Variants in SLC35F4 observed in about 807,000 individuals in gnomAD.
The protein encoded by SLC35F4 is chromosome 14 open reading frame 36.
In SLC35F4, 24 loss-of-function variants were observed where a neutral mutation model predicts 44.2. That is an observed-to-expected ratio of 0.54 (90% CI 0.39 to 0.76). SLC35F4 has a LOEUF of 0.76. SLC35F4 is among the 30% of genes least tolerant of loss of function. The probability of loss-of-function intolerance (pLI) is 0.00; values close to 1 mark genes in which losing one functional copy is unlikely to be tolerated. For synonymous variants in SLC35F4, 238 were observed against 223.6 expected (o/e 1.06, Z -0.57); for missense variants, 562 against 586.1 (o/e 0.96, Z 0.42).
intron 1 of SLC35F4, among the ~76,000 whole-genome samples, chr14:57,756,027 T>C (rs1385738080): frequency 6.6e-6 from 1 of 152,248 alleles, no homozygotes; most frequent in Non-Finnish European, 1.5e-5. Flanking sequence ...TCCACTTCCC[T>C]TCATGGTCAG....
chr14:57,886,449 T>C (rs1248034066), intron 1 of SLC35F4, among the ~76,000 whole-genome samples: 1 of 152,226 alleles, frequency 6.6e-6, no homozygotes, highest in Non-Finnish European at 1.5e-5. Context: ...GTCTCTCTCC[T>C]AAACTTCAGT....
At chr14:57,832,372 C>T (rs775470245) in intron 1 of SLC35F4, among the ~76,000 whole-genome samples, 114 of 152,036 alleles carry the variant, frequency 7.5e-4, no homozygotes, top group Non-Finnish European at 1.1e-3. Context: ...AGTAGCTTGT[C>T]CAAAGTCACA....
chr14:57,610,466 T>C (rs1850710408), intron 1 of SLC35F4, among the ~76,000 whole-genome samples: 2 of 152,156 alleles, frequency 1.3e-5, no homozygotes, highest in African/African-American at 2.4e-5. Context: ...GACTCAATAA[T>C]GGTGAAGCTG....
chr14:57,788,678 A>G (rs981820859), intron 1 of SLC35F4, among the ~76,000 whole-genome samples: 4 of 152,220 alleles, frequency 2.6e-5, no homozygotes, highest in Admixed American at 6.5e-5. Context: ...ACAGACATCT[A>G]CAGGACTCTC....
chr14:57,915,083 G>A (rs1889291861), intron 1 of SLC35F4, among the ~76,000 whole-genome samples: 1 of 151,142 alleles, frequency 6.6e-6, no homozygotes, highest in South Asian at 2.1e-4. Context: ...AAGGCTTACT[G>A]CTTGTACCTT....
intron 1 of SLC35F4, among the ~76,000 whole-genome samples, chr14:57,726,453 T>G (rs1286662703): frequency 1.3e-5 from 2 of 152,226 alleles, no homozygotes; most frequent in Non-Finnish European, 2.9e-5. Flanking sequence ...CCTCCTTCTT[T>G]TGTTAAAAAC....
intron 1 of SLC35F4, chr14:57,630,811 G>A: frequency 1.6e-6 from 1 of 609,156 alleles, no homozygotes; most frequent in Non-Finnish European, 2.3e-6. Context: ...AGTTTTCCCT[G>A]TACCAGGCAA....
At chr14:57,596,673 T>C (rs1392745594) in intron 1 of SLC35F4, 2 of 741,422 alleles carry the variant, frequency 2.7e-6, no homozygotes, top group Non-Finnish European at 2.2e-6. Context: ...AGATCAAATA[T>C]TGTCCATAGT....
chr14:57,887,874 C>T (rs1888683687), intron 1 of SLC35F4, among the ~76,000 whole-genome samples: 1 of 152,188 alleles, frequency 6.6e-6, no homozygotes, highest in South Asian at 2.1e-4. Context: ...GACAGCAACA[C>T]ACACACACAT....
chr14:57,910,758 T>C (rs1889201780), intron 1 of SLC35F4, among the ~76,000 whole-genome samples: 1 of 152,178 alleles, frequency 6.6e-6, no homozygotes, highest in South Asian at 2.1e-4. Flanking sequence ...TTTTATCAGA[T>C]AATCAGGCTC....
intron 1 of SLC35F4, among the ~76,000 whole-genome samples, chr14:57,845,690 C>A (rs1313605855): frequency 1.3e-5 from 2 of 152,164 alleles, no homozygotes; most frequent in Admixed American, 6.5e-5. Context: ...ATGTCAGAAG[C>A]TGTATGTGCT....
At chr14:57,663,466 T>C (rs2140243228) in intron 1 of SLC35F4, among the ~76,000 whole-genome samples, 2 of 152,270 alleles carry the variant, frequency 1.3e-5, no homozygotes, top group African/African-American at 4.8e-5. Context: ...CTCATAATTG[T>C]TTGGTATTGT....
intron 1 of SLC35F4, among the ~76,000 whole-genome samples, chr14:57,763,023 T>C (rs927619288): frequency 1.8e-4 from 27 of 152,196 alleles, no homozygotes; most frequent in African/African-American, 6.3e-4. Context: ...TATTTACTTA[T>C]AGAACATTAA....
At chr14:57,941,601 G>A (rs1400830668) in intron 1 of SLC35F4, among the ~76,000 whole-genome samples, 1 of 151,926 alleles carries the variant, frequency 6.6e-6, no homozygotes, top group Non-Finnish European at 1.5e-5. Context: ...AAAATATTTT[G>A]GAACAAAGTA....
chr14:57,864,284 G>A (rs1391651686), intron 1 of SLC35F4, among the ~76,000 whole-genome samples: 3 of 152,144 alleles, frequency 2.0e-5, no homozygotes, highest in Non-Finnish European at 4.4e-5. Flanking sequence ...CAATAAAAAA[G>A]GAGAAGTTTT....
At chr14:57,698,142 C>G (rs1293245211) in intron 1 of SLC35F4, among the ~76,000 whole-genome samples, 1 of 152,190 alleles carries the variant, frequency 6.6e-6, no homozygotes, top group Non-Finnish European at 1.5e-5. Flanking sequence ...CAGACATCTT[C>G]TTAGATTATG....
chr14:57,837,367 G>A (rs1325270718), intron 1 of SLC35F4: 1 of 152,178 alleles, frequency 6.6e-6, no homozygotes, highest in African/African-American at 2.4e-5. Flanking sequence ...CGGACAACCT[G>A]TATGTCCCAC....
chr14:57,836,028 T>C (rs1171624815), intron 1 of SLC35F4, among the ~76,000 whole-genome samples: 3 of 152,198 alleles, frequency 2.0e-5, no homozygotes, highest in Non-Finnish European at 4.4e-5. Context: ...CACTAGGAAC[T>C]ACCGGTGACC....
chr14:57,885,307 G>A (rs1459737291), intron 1 of SLC35F4, among the ~76,000 whole-genome samples: 1 of 152,156 alleles, frequency 6.6e-6, no homozygotes, highest in African/African-American at 2.4e-5. Context: ...TAATGAAAGG[G>A]CTCACTCATG....
Sources: allele counts gnomAD v4.1 joint callset (sites outside exome capture counted in the v4.1 genomes callset), GRCh38; gene constraint gnomAD v4.1.1; transcripts MANE v1.5; gene names NCBI Gene and HGNC (gene_info 2026-07-23, HGNC 2026-07-21).